ATRN: variants seen among roughly 807,000 people sequenced by gnomAD.
The protein encoded by ATRN is attractin.
Under a neutral mutation model 178.7 loss-of-function variants are expected in ATRN, and 54 were observed. That is an observed-to-expected ratio of 0.30 (90% CI 0.24 to 0.38). The LOEUF is 0.38. ATRN is among the 10% of genes least tolerant of loss of function. ATRN has a pLI of 1.00. For missense variants in ATRN, 1,443 were observed against 1,815.1 expected (o/e 0.79, Z 3.73); for synonymous variants, 636 against 663.0 (o/e 0.96, Z 0.63).
chr20:3,634,867 A>G (rs2087014323), intron 26 of ATRN, among the ~76,000 whole-genome samples: 1 of 152,218 alleles, frequency 6.6e-6, no homozygotes, highest in South Asian at 2.1e-4. Flanking sequence ...TTATTTTTAA[A>G]TAAGTCTTGA....
intron 14 of ATRN, among the ~76,000 whole-genome samples, 165 bp downstream of exon 14, chr20:3,577,162 G>A (rs2086224395): frequency 6.6e-6 from 1 of 152,118 alleles, no homozygotes; most frequent in Non-Finnish European, 1.5e-5. Context: ...CTAAAATACA[G>A]TTCTTAAGTA....
intron 25 of ATRN, among the ~76,000 whole-genome samples, chr20:3,626,167 G>A (rs1405085458): frequency 6.6e-6 from 1 of 151,034 alleles, no homozygotes; most frequent in Non-Finnish European, 1.5e-5. Context: ...AGGAGGCAGA[G>A]GTTGCAGTGA....
At chr20:3,529,598 C>T (rs1215715369) in intron 1 of ATRN, among the ~76,000 whole-genome samples, 2 of 152,130 alleles carry the variant, frequency 1.3e-5, no homozygotes, top group Non-Finnish European at 2.9e-5. Flanking sequence ...TTCTGTAAAA[C>T]TGATCTATAG....
intron 24 of ATRN, among the ~76,000 whole-genome samples, chr20:3,617,128 G>T (rs776337566): frequency 1.3e-5 from 2 of 152,012 alleles, no homozygotes; most frequent in East Asian, 1.9e-4. Context: ...TTCTGATATT[G>T]TCAGAACAAT....
chr20:3,502,723 A>G (rs1395910420), intron 1 of ATRN, among the ~76,000 whole-genome samples: 1 of 152,184 alleles, frequency 6.6e-6, no homozygotes, highest in Non-Finnish European at 1.5e-5. Flanking sequence ...AGACCCAACT[A>G]TAGCTAGCAG....
At chr20:3,623,564 G>T (rs533094998) in intron 24 of ATRN, among the ~76,000 whole-genome samples, 1 of 152,140 alleles carries the variant, frequency 6.6e-6, no homozygotes, top group Non-Finnish European at 1.5e-5. Flanking sequence ...GCAGATGCTC[G>T]TCATTTACCT....
intron 6 of ATRN, among the ~76,000 whole-genome samples, chr20:3,558,540 GT>G (rs10708444): frequency 0.75 from 113,721 of 150,790 alleles, 43,176 homozygotes; most frequent in East Asian, 1. Flanking sequence ...ATTTCTTTTT[GT>G]TTTTTTTTCT....
chr20:3,497,196 C>G (rs1402513526), intron 1 of ATRN, among the ~76,000 whole-genome samples: 1 of 147,774 alleles, frequency 6.8e-6, no homozygotes, highest in Admixed American at 6.8e-5. Flanking sequence ...GAATTTGATC[C>G]TGTCATTATG....
intron 13 of ATRN, among the ~76,000 whole-genome samples, chr20:3,576,309 T>C (rs17782347): frequency 0.038 from 5,800 of 152,296 alleles, 145 homozygotes; most frequent in Non-Finnish European, 0.056. Flanking sequence ...CGGCCCATAT[T>C]GAACTGTGGA....
chr20:3,549,714 A>G (rs1247556118), intron 6 of ATRN, among the ~76,000 whole-genome samples: 1 of 152,238 alleles, frequency 6.6e-6, no homozygotes, highest in Non-Finnish European at 1.5e-5. Context: ...ACTATGTCCC[A>G]GGCTTCAAGG....
Position 3,471,434 on chromosome 20 carries a change from T to A in ATRN, c.327T>A (p.Gly109=), listed in dbSNP as rs1333993604. 3 of 1,465,772 alleles carry A rather than the reference T, an allele frequency of 2.0e-6. No homozygotes were observed. The Admixed American group carries it at 7.9e-5, about 38-fold the overall frequency. 90.8% of individuals were successfully genotyped at this position (1,465,772 alleles called of 1,614,324 possible). A position where few individuals can be genotyped will look rare whatever the true frequency, so the allele number is the denominator to read the frequency against. ...KECDRPCVNG[G]RCNPGTGQCV... ...GTGACCGGCCCTGTGTCAACGGCGG[T>A]CGCTGCAACCCTGGCACCGGCCAGT... Residue 109 remains glycine (G), a synonymous_variant, in exon 1 of 29, where the codon GGT becomes GGA. Coordinates refer to ENST00000262919, the MANE Select transcript of ATRN (RefSeq NM_139321.3).
At chr20:3,541,065 C>T (rs1041873967) in intron 3 of ATRN, among the ~76,000 whole-genome samples, 1 of 145,224 alleles carries the variant, frequency 6.9e-6, no homozygotes, top group African/African-American at 2.5e-5. Context: ...CTTCCTTTTA[C>T]ATGATAGAGG....
intron 26 of ATRN, among the ~76,000 whole-genome samples, chr20:3,635,029 A>T (rs1159320386): frequency 1.3e-5 from 2 of 152,004 alleles, no homozygotes; most frequent in East Asian, 3.8e-4. Flanking sequence ...GTGCGTGTGT[A>T]TGTATATATA....
chr20:3,473,453 A>G (rs1333894256), intron 1 of ATRN, among the ~76,000 whole-genome samples: 1 of 152,196 alleles, frequency 6.6e-6, no homozygotes, highest in Non-Finnish European at 1.5e-5. Flanking sequence ...GGAGCTTGGC[A>G]AGACTGGAGA....
At chr20:3,639,023 A>G in intron 27 of ATRN, 88 bp downstream of exon 27, 2 of 944,004 alleles carry the variant, frequency 2.1e-6, no homozygotes, top group Non-Finnish European at 3.2e-6. Context: ...CAAAAGCCCT[A>G]TTCCATTACC....
chr20:3,475,392 T>G (rs931705739), intron 1 of ATRN, among the ~76,000 whole-genome samples: 1 of 152,202 alleles, frequency 6.6e-6, no homozygotes, highest in African/African-American at 2.4e-5. Context: ...TCTGAGGGTG[T>G]TATATAAAAT....
chr20:3,556,480 G>T (rs1293431960), intron 6 of ATRN, among the ~76,000 whole-genome samples: 7 of 152,178 alleles, frequency 4.6e-5, no homozygotes, highest in Admixed American at 6.5e-5. Flanking sequence ...GGCCCGATTG[G>T]GTTACCAGGC....
intron 28 of ATRN, among the ~76,000 whole-genome samples, chr20:3,646,346 A>G (rs988858520): frequency 1.3e-5 from 2 of 152,184 alleles, no homozygotes; most frequent in Non-Finnish European, 2.9e-5. Flanking sequence ...GCACACGTCT[A>G]CAATCTCATT....
chr20:3,577,172 A>G (rs528229583), intron 14 of ATRN, among the ~76,000 whole-genome samples, 175 bp downstream of exon 14: 1 of 152,188 alleles, frequency 6.6e-6, no homozygotes, highest in South Asian at 2.1e-4. Context: ...GTTCTTAAGT[A>G]TTTGTTCCTA....
Sources: allele counts gnomAD v4.1 joint callset (sites outside exome capture counted in the v4.1 genomes callset), GRCh38; gene constraint gnomAD v4.1.1; transcripts MANE v1.5; gene names NCBI Gene and HGNC (gene_info 2026-07-23, HGNC 2026-07-21).